The following ADGRL3 variants were observed in gnomAD, a reference collection of about 807,000 sequenced individuals.
ADGRL3 encodes the protein adhesion G protein-coupled receptor L3, also known as calcium-independent alpha-latrotoxin receptor 3.
In ADGRL3, 62 loss-of-function variants were observed where a neutral mutation model predicts 153.5. The ratio of observed to expected loss-of-function variants is 0.40; its 90% CI spans 0.33 to 0.50. The LOEUF (loss-of-function observed/expected upper bound fraction) is 0.50. ADGRL3 is among the 20% of genes least tolerant of loss of function. The probability of loss-of-function intolerance (pLI) is 0.47; values close to 1 mark genes in which losing one functional copy is unlikely to be tolerated. For missense variants in ADGRL3, 1,641 were observed against 1,859.4 expected, an observed-to-expected ratio of 0.88 and a Z score of 2.16; for synonymous variants, 710 against 672.5, an observed-to-expected ratio of 1.06 and a Z score of -0.86.
At chr4:62,003,234 C>T (rs969842788) in intron 21 of ADGRL3, among the ~76,000 whole-genome samples, 3 of 152,034 alleles carry the variant, frequency 2.0e-5, no homozygotes, top group Non-Finnish European at 4.4e-5. Context: ...ATGATGTCAC[C>T]GGGTCATGTT....
intron 5 of ADGRL3, among the ~76,000 whole-genome samples, chr4:61,641,268 T>A (rs1580012915): frequency 3.0e-5 from 1 of 32,850 alleles, no homozygotes; most frequent in African/African-American, 1.2e-4. Flanking sequence ...ATAAATCCTA[T>A]TTTTTTTTCG....
At position 61,417,730 on chromosome 4, in the gene ADGRL3, G is replaced by T. The variant is rs2097160303; in HGVS notation, c.-174+34541G>T. 2.0e-5 allele frequency among the ~76,000 whole-genome samples: 3 copies of T among 151,212 alleles called. No homozygotes were observed. In the South Asian group the frequency reaches 6.2e-4, roughly 31 times the overall value. ...TTTTTTTTTTTCACTTTTAGAGGAGGTGCATAGGATCCCATCTTGTGCTTA... is the reference window on the plus strand; with the variant it reads ...TTTTTTTTTTTCACTTTTAGAGGAGTTGCATAGGATCCCATCTTGTGCTTA... On this transcript the variant is annotated intron_variant, in intron 2 of 26. Transcript: ENST00000683033.
intron 5 of ADGRL3, among the ~76,000 whole-genome samples, chr4:61,670,339 G>A (rs1438266796): frequency 6.6e-6 from 1 of 152,044 alleles, no homozygotes; most frequent in African/African-American, 2.4e-5. Context: ...TAGATCTATA[G>A]TGCTGTGCAA....
At chr4:61,644,172 TTC>T (rs1168381391) in intron 5 of ADGRL3, among the ~76,000 whole-genome samples, 3 of 143,416 alleles carry the variant, frequency 2.1e-5, no homozygotes, top group Non-Finnish European at 4.5e-5. Context: ...TATTTGATTC[TTC>T]TCTCTTTTTT....
chr4:61,479,447 C>G (rs796379087), intron 2 of ADGRL3, among the ~76,000 whole-genome samples: 18 of 152,120 alleles, frequency 1.2e-4, no homozygotes, highest in African/African-American at 4.1e-4. Flanking sequence ...TAAAGCCTTC[C>G]TTAGATCTAT....
At chr4:62,069,226 T>G (rs1207934129) in intron 26 of ADGRL3, among the ~76,000 whole-genome samples, 2 of 152,126 alleles carry the variant, frequency 1.3e-5, no homozygotes, top group Non-Finnish European at 2.9e-5. Context: ...AAACCCAAAC[T>G]TTAACATGCA....
chr4:61,227,421 C>G (rs916414611), intron 1 of ADGRL3, among the ~76,000 whole-genome samples: 7 of 152,216 alleles, frequency 4.6e-5, no homozygotes, highest in African/African-American at 1.4e-4. Context: ...GTTTCCCAGG[C>G]TGGCCTTGAA....
At chr4:62,068,501 A>G (rs759410950) in intron 26 of ADGRL3, among the ~76,000 whole-genome samples, 3 of 152,180 alleles carry the variant, frequency 2.0e-5, no homozygotes, top group Non-Finnish European at 2.9e-5. Flanking sequence ...ACATTCCATC[A>G]TAAAAATGTG....
chr4:61,278,363 A>G (rs564337040), intron 1 of ADGRL3, among the ~76,000 whole-genome samples: 2 of 152,330 alleles, frequency 1.3e-5, no homozygotes, highest in South Asian at 4.1e-4. Flanking sequence ...TGAGCTAGTA[A>G]CAAATTGAAT....
At chr4:62,029,009 C>A in intron 22 of ADGRL3, 128 bp downstream of exon 22, 2 of 753,108 alleles carry the variant, frequency 2.7e-6, no homozygotes, top group Non-Finnish European at 4.2e-6. Context: ...GCAAACTGTG[C>A]AGGAAAATAA....
chr4:61,436,777 G>A (rs2097451750), intron 2 of ADGRL3, among the ~76,000 whole-genome samples: 1 of 152,038 alleles, frequency 6.6e-6, no homozygotes, highest in Non-Finnish European at 1.5e-5. Flanking sequence ...TAGTGGTAAG[G>A]TTTATAGAGG....
chr4:61,673,946 A>G (rs2095094937), intron 5 of ADGRL3, among the ~76,000 whole-genome samples: 1 of 151,284 alleles, frequency 6.6e-6, no homozygotes, highest in Non-Finnish European at 1.5e-5. Context: ...TGTTTTATAT[A>G]CCACTGAACA....
chr4:61,471,751 G>C (rs997518653), intron 2 of ADGRL3, among the ~76,000 whole-genome samples: 1 of 151,872 alleles, frequency 6.6e-6, no homozygotes, highest in Non-Finnish European at 1.5e-5. Context: ...AAAGCATTTA[G>C]GTTACAGGGA....
At chr4:61,828,950 A>G (rs146188655) in intron 9 of ADGRL3, among the ~76,000 whole-genome samples, 1 of 152,230 alleles carries the variant, frequency 6.6e-6, no homozygotes, top group Non-Finnish European at 1.5e-5. Context: ...CTGTTGCTCT[A>G]AAACTATTTC....
At chr4:61,538,416 G>C (rs1410147212) in intron 4 of ADGRL3, among the ~76,000 whole-genome samples, 2 of 152,080 alleles carry the variant, frequency 1.3e-5, no homozygotes, top group Non-Finnish European at 2.9e-5. Context: ...CCTTCTGATA[G>C]CAGGAGTTTT....
chr4:61,757,411 G>T (rs929683541), intron 8 of ADGRL3, among the ~76,000 whole-genome samples: 3 of 152,166 alleles, frequency 2.0e-5, no homozygotes, highest in African/African-American at 4.8e-5. Context: ...TTTGCATAGA[G>T]GTGTTTATAG....
intron 2 of ADGRL3, among the ~76,000 whole-genome samples, chr4:61,392,149 G>A (rs939018118): frequency 5.3e-5 from 8 of 151,326 alleles, no homozygotes; most frequent in Middle Eastern, 3.4e-3. Flanking sequence ...GATTACAGGC[G>A]TGAGCCCCCC....
chr4:62,053,489 A>G (rs1735378242), intron 25 of ADGRL3, among the ~76,000 whole-genome samples: 1 of 151,562 alleles, frequency 6.6e-6, no homozygotes, highest in South Asian at 2.1e-4. Flanking sequence ...TTCAGAATGT[A>G]AGACAAGTCA....
At chr4:61,896,841 C>T (rs770462187) in intron 11 of ADGRL3, among the ~76,000 whole-genome samples, 2 of 152,048 alleles carry the variant, frequency 1.3e-5, no homozygotes, top group Non-Finnish European at 2.9e-5. Context: ...TAGCTCAGAC[C>T]CCTGGGCAAA....
Sources: allele counts gnomAD v4.1 joint callset (sites outside exome capture counted in the v4.1 genomes callset), GRCh38; gene constraint gnomAD v4.1.1; transcripts MANE v1.5; gene names NCBI Gene and HGNC (gene_info 2026-07-23, HGNC 2026-07-21).